PVT1: variants seen among roughly 807,000 people sequenced by gnomAD.
PVT1 encodes Pvt1 oncogene.
At chr8:127,833,255 C>A (rs532839511) in intron 2 of PVT1, among the ~76,000 whole-genome samples, 1 of 152,216 alleles carries the variant, frequency 6.6e-6, no homozygotes, top group African/African-American at 2.4e-5. Flanking sequence ...ATTTCATAAT[C>A]CTCTCTACCT....
intron 2 of PVT1, among the ~76,000 whole-genome samples, chr8:127,814,331 G>A (rs559399562): frequency 6.6e-6 from 1 of 152,216 alleles, no homozygotes; most frequent in African/African-American, 2.4e-5. Flanking sequence ...TGCCTGACGC[G>A]TCAGCCGGGG....
intron 3 of PVT1, among the ~76,000 whole-genome samples, chr8:127,914,815 GTTTTT>G (rs1181623236): frequency 1.5e-5 from 2 of 130,812 alleles, no homozygotes; most frequent in African/African-American, 5.8e-5. Flanking sequence ...GTTGTTGTTG[GTTTTT>G]TTTTTTTTTT....
At chr8:128,080,884 G>A (rs566306116) in intron 5 of PVT1, among the ~76,000 whole-genome samples, 2 of 152,132 alleles carry the variant, frequency 1.3e-5, no homozygotes, top group African/African-American at 4.8e-5. Flanking sequence ...GGTAATTTTT[G>A]TGAAGGGTTT....
At chr8:128,089,669 G>T (rs1294463773) in intron 5 of PVT1, among the ~76,000 whole-genome samples, 2 of 152,120 alleles carry the variant, frequency 1.3e-5, no homozygotes, top group Non-Finnish European at 2.9e-5. Context: ...GCAGGGTGTG[G>T]GGGGGGTCAT....
rs1025806561 is a variant in PVT1, at chr8:127,984,505, T to C, written n.783-4657T>C. 4.6e-5 allele frequency among the ~76,000 whole-genome samples: 7 copies of C among 152,280 alleles called. No homozygotes were observed. The East Asian group carries it at 1.2e-3, about 25-fold the overall frequency. On this transcript the variant is annotated intron_variant and non_coding_transcript_variant, in intron 3 of 10. Coordinates refer to ENST00000651587, the Ensembl canonical transcript of PVT1. ...ATTAGACCCTGAGAATAACAAAGTG[T>C]TTATCAAGCACCCACTCTGAGCCAG...
At chr8:127,929,199 GTTTTT>G (rs34027484) in intron 3 of PVT1, among the ~76,000 whole-genome samples, 10 of 138,136 alleles carry the variant, frequency 7.2e-5, no homozygotes, top group African/African-American at 1.6e-4. Flanking sequence ...TCATTTTTCT[GTTTTT>G]TTTTTTTTTT....
intron 2 of PVT1, among the ~76,000 whole-genome samples, chr8:127,867,505 G>A (rs59000437): frequency 0.2 from 30,215 of 152,172 alleles, 3,413 homozygotes; most frequent in Admixed American, 0.27. Flanking sequence ...TCTGGAGGAT[G>A]CTCCGCTGGG....
At chr8:127,949,220 C>T (rs1027166117) in intron 3 of PVT1, among the ~76,000 whole-genome samples, 3 of 152,146 alleles carry the variant, frequency 2.0e-5, no homozygotes, top group Admixed American at 2.0e-4. Flanking sequence ...TGCCCACACA[C>T]CAGATCACTA....
intron 4 of PVT1, among the ~76,000 whole-genome samples, chr8:128,038,391 G>A (rs949353219): frequency 6.6e-6 from 1 of 152,150 alleles, no homozygotes; most frequent in Non-Finnish European, 1.5e-5. Context: ...TGGGTGTGAG[G>A]TTGCCGCGGT....
intron 4 of PVT1, chr8:128,048,649 A>C (rs1390864000): frequency 6.6e-6 from 1 of 152,362 alleles, no homozygotes; most frequent in African/African-American, 2.4e-5. Flanking sequence ...TCGCTCCAGC[A>C]TGGCTGCCTG....
intron 3 of PVT1, among the ~76,000 whole-genome samples, chr8:127,971,133 C>G (rs1816760493): frequency 6.6e-6 from 1 of 152,246 alleles, no homozygotes; most frequent in Non-Finnish European, 1.5e-5. Flanking sequence ...CGGTTCTAAA[C>G]TGCACTTCTG....
intron 3 of PVT1, among the ~76,000 whole-genome samples, chr8:127,938,877 C>T (rs555292116): frequency 6.6e-6 from 1 of 152,324 alleles, no homozygotes; most frequent in South Asian, 2.1e-4. Context: ...GTTGGTTGAG[C>T]GTCTCCTTTG....
chr8:128,019,344 T>A (rs1817407985), intron 4 of PVT1, among the ~76,000 whole-genome samples: 1 of 152,186 alleles, frequency 6.6e-6, no homozygotes, highest in African/African-American at 2.4e-5. Flanking sequence ...TTGAAACCCA[T>A]CCCGCCCCTT....
chr8:127,925,535 C>T (rs1816119417), intron 3 of PVT1, among the ~76,000 whole-genome samples: 1 of 152,096 alleles, frequency 6.6e-6, no homozygotes, highest in East Asian at 1.9e-4. Flanking sequence ...ATATGGTGGG[C>T]ACTATGGTAG....
intron 4 of PVT1, among the ~76,000 whole-genome samples, chr8:128,036,384 G>A (rs959709410): frequency 5.3e-5 from 8 of 152,162 alleles, no homozygotes; most frequent in African/African-American, 1.4e-4. Context: ...CTTGTACCTC[G>A]TCATCGACAG....
At chr8:128,010,478 G>T (rs186280993) in intron 4 of PVT1, 13 of 152,268 alleles carry the variant, frequency 8.5e-5, no homozygotes, top group Admixed American at 4.6e-4. Context: ...TTCGGTCCCT[G>T]GTTTGCCTTC....
chr8:127,896,140 C>T (rs1815672046), intron 3 of PVT1, among the ~76,000 whole-genome samples: 1 of 152,212 alleles, frequency 6.6e-6, no homozygotes. Context: ...TAGAAGATGG[C>T]CTTCACATGG....
intron 4 of PVT1, among the ~76,000 whole-genome samples, chr8:128,041,250 G>T (rs1006536236): frequency 3.0e-4 from 44 of 144,696 alleles, no homozygotes; most frequent in African/African-American, 1.1e-3. Context: ...GTTTGTGTGT[G>T]TGTTTGTGCA....
At chr8:127,830,623 A>G (rs994550524) in intron 2 of PVT1, among the ~76,000 whole-genome samples, 1 of 152,090 alleles carries the variant, frequency 6.6e-6, no homozygotes, top group African/African-American at 2.4e-5. Context: ...GTTCATGCCT[A>G]CTATAGTCCT....
Sources: gnomAD v4.1 joint callset for allele counts (sites outside exome capture counted in the v4.1 genomes callset) on GRCh38, gnomAD v4.1.1 for gene constraint, MANE v1.5 for transcripts, NCBI Gene and HGNC (gene_info 2026-07-23, HGNC 2026-07-21) for gene names.